SH3PXD2A: variants seen among roughly 807,000 people sequenced by gnomAD.
SH3PXD2A encodes SH3 and PX domain-containing protein 2A.
SH3PXD2A carries 32 observed loss-of-function variants against 115.2 expected under a neutral mutation model. That is an observed-to-expected ratio of 0.28 (90% CI 0.21 to 0.37). The LOEUF (loss-of-function observed/expected upper bound fraction) is 0.37. SH3PXD2A is among the 10% of genes least tolerant of loss of function. The pLI is 1.00. For missense variants in SH3PXD2A, 1,328 were observed against 1,498.7 expected (o/e 0.89, Z 1.88); for synonymous variants, 610 against 629.1 (o/e 0.97, Z 0.45).
rs2038641895 is a variant in SH3PXD2A at position 103,756,450 on chromosome 10, ACC to A, written c.229+10642_229+10643del. 6.6e-6 allele frequency among the ~76,000 whole-genome samples: 1 copy of A among 151,906 alleles called. No individual in the cohort carries two copies. Among genetic ancestry groups the A allele is most frequent in the Non-Finnish European group, 1.5e-5 (1 of 67,962 alleles). Reference sequence around the variant, plus strand: ...ATGCGCCTCAGTGTTCCCCTCCACCACCATCACCCGCTGCTGCCACTCCCGAG... The same window carrying A: ...ATGCGCCTCAGTGTTCCCCTCCACCAATCACCCGCTGCTGCCACTCCCGAG... On this transcript the variant is annotated intron_variant, in intron 3 of 14. Transcript: ENST00000369774. This position sits in a 1 kb window ranked among gnomAD's most constrained non-coding sequence, Gnocchi z 4.4.
intron 5 of SH3PXD2A, among the ~76,000 whole-genome samples, chr10:103,701,484 C>G (rs1197271093): frequency 6.9e-6 from 1 of 145,010 alleles, no homozygotes; most frequent in African/African-American, 2.6e-5. Context: ...CATCCATCAT[C>G]CATCCATCAT....
intron 5 of SH3PXD2A, among the ~76,000 whole-genome samples, chr10:103,720,990 T>G (rs904865537): frequency 6.6e-6 from 1 of 152,226 alleles, no homozygotes; most frequent in African/African-American, 2.4e-5. Flanking sequence ...GGCATTCCTA[T>G]TCCCAGGCCC....
chr10:103,722,559 C>T (rs2038194746), intron 5 of SH3PXD2A, among the ~76,000 whole-genome samples: 1 of 150,312 alleles, frequency 6.7e-6, no homozygotes. Flanking sequence ...GCCTTGGCTT[C>T]TCAAAGTGCT....
At chr10:103,650,247 C>G (rs998319263) in intron 8 of SH3PXD2A, among the ~76,000 whole-genome samples, 1 of 152,118 alleles carries the variant, frequency 6.6e-6, no homozygotes, top group African/African-American at 2.4e-5. Context: ...TGGCACCTGC[C>G]GCATCACTCC....
intron 2 of SH3PXD2A, among the ~76,000 whole-genome samples, chr10:103,767,810 G>GTT (rs34903223): frequency 4.9e-4 from 33 of 67,728 alleles, no homozygotes; most frequent in South Asian, 1.1e-3. Context: ...CAACTGTTTT[G>GTT]TTTTTTTTTT....
intron 2 of SH3PXD2A, among the ~76,000 whole-genome samples, chr10:103,783,868 C>T (rs921668373): frequency 3.9e-5 from 6 of 152,230 alleles, no homozygotes; most frequent in African/African-American, 7.2e-5. Context: ...TGTAAAGCAG[C>T]CCCCGCAGTG....
chr10:103,697,827 G>A (rs534663340), intron 5 of SH3PXD2A, among the ~76,000 whole-genome samples: 123 of 152,302 alleles, frequency 8.1e-4, no homozygotes, highest in Non-Finnish European at 1.3e-3. Flanking sequence ...GTGGGGGCAG[G>A]AAAGGCACTG....
At position 103,756,647 on chromosome 10, in the gene SH3PXD2A, A is replaced by C. The variant is rs2038644595; in HGVS notation, c.229+10447T>G. On this transcript the variant is annotated intron_variant, in intron 3 of 14. Coordinates refer to ENST00000369774, the MANE Select transcript of SH3PXD2A (RefSeq NM_001394015.1). The surrounding 1 kb of genome is among the most constrained non-coding windows in gnomAD (Gnocchi z 4.4). Reference sequence around the variant, plus strand: ...ACCCCCACGGATGCAGCCCACAGGCAGGAGTGGGGAGTGGTGGTGAGGTGA... The same window carrying C: ...ACCCCCACGGATGCAGCCCACAGGCCGGAGTGGGGAGTGGTGGTGAGGTGA... Among the ~76,000 whole-genome samples, 1 of 152,162 alleles carries C rather than the reference A, an allele frequency of 6.6e-6. No individual in the cohort carries two copies. Among genetic ancestry groups the C allele is most frequent in the South Asian group, 2.1e-4 (1 of 4,830 alleles).
rs1398081631 is a variant in SH3PXD2A, at chr10:103,661,081, T to C, written c.506A>G (p.Glu169Gly). 2.4e-5 allele frequency: 38 copies of C among 1,613,994 alleles called. No homozygotes were observed. In the East Asian group the frequency reaches 8.2e-4, roughly 35 times the overall value. ...ATAGTTGGACACCACCACGTACTGT[T>C]CCAGGATCATGGGCTCGGCGGTGGC... is the stretch of plus-strand genomic sequence containing the variant. ...ADATAEPMIL[E>G]QYVVVSNYKK... The change falls in exon 8 of 15, where the codon GAA becomes GGA. Residue 169 changes from glutamate to glycine, a missense_variant. Transcript: ENST00000369774.
chr10:103,749,489 G>A (rs535434378), intron 3 of SH3PXD2A, among the ~76,000 whole-genome samples: 6 of 152,312 alleles, frequency 3.9e-5, no homozygotes, highest in Non-Finnish European at 8.8e-5. Context: ...GTGCTTCCAG[G>A]CTACATCTGC....
chr10:103,821,584 A>C (rs1366073762), intron 1 of SH3PXD2A, among the ~76,000 whole-genome samples: 1 of 144,266 alleles, frequency 6.9e-6, no homozygotes, highest in South Asian at 2.2e-4. Context: ...GCAGGGTCTT[A>C]CTCTGTCACC....
intron 7 of SH3PXD2A, chr10:103,661,712 C>G (rs2037307163): frequency 1.0e-6 from 1 of 985,262 alleles, no homozygotes; most frequent in Non-Finnish European, 1.2e-6. Context: ...CTCCACGGCC[C>G]AGGCCCAGGC....
intron 1 of SH3PXD2A, 84 bp downstream of exon 1, chr10:103,855,111 A>G (rs1842928468): frequency 2.1e-6 from 2 of 960,090 alleles, no homozygotes; most frequent in Admixed American, 3.0e-5. Context: ...TCGCGACCTC[A>G]CAGCTGGGAG....
rs1183809525 is a variant in SH3PXD2A at position 103,756,169 on chromosome 10, G to A, written c.229+10925C>T. 3.3e-5 allele frequency among the ~76,000 whole-genome samples: 5 copies of A among 152,122 alleles called. No individual in the cohort carries two copies. The highest frequency in any genetic ancestry group is 2.1e-4 in the South Asian group (1 of 4,826). On this transcript the variant is annotated intron_variant, in intron 3 of 14. Transcript: ENST00000369774. The surrounding 1 kb of genome is among the most constrained non-coding windows in gnomAD (Gnocchi z 4.4). ...TGAAGGGGGAGGAGGTATTTTCAGCGCCCAGAACGATGGATCTGCTGGGTG... is the reference window on the plus strand; with the variant it reads ...TGAAGGGGGAGGAGGTATTTTCAGCACCCAGAACGATGGATCTGCTGGGTG...
At chr10:103,646,009 T>C (rs1331082079) in intron 8 of SH3PXD2A, among the ~76,000 whole-genome samples, 1 of 152,216 alleles carries the variant, frequency 6.6e-6, no homozygotes, top group Non-Finnish European at 1.5e-5. Context: ...ACCCATACTT[T>C]ACAGGGCAGT....
In SH3PXD2A at chr10:103,602,222, C is replaced by T. The variant is rs749805561; in HGVS notation, c.2996G>A (p.Arg999Lys). ...ATCAGTGGCCGTGAGTGACTCATTCCTCCGCAGGGCGCAGGACAGGTTGTT... is the reference window on the plus strand; with the variant it reads ...ATCAGTGGCCGTGAGTGACTCATTCTTCCGCAGGGCGCAGGACAGGTTGTT... ...KDNNLSCALR[R>K]NESLTATDGL... Residue 999 changes from arginine (R) to lysine (K), a missense_variant, in exon 15 of 15, where the codon AGG (arginine) becomes AAG (lysine). Around this residue, in one of 5 missense-constraint regions of SH3PXD2A, gnomAD observed 574 missense variants for 565.7 expected, o/e 1.01. Coordinates refer to ENST00000369774, the MANE Select transcript of SH3PXD2A (RefSeq NM_001394015.1). 14 of 1,597,044 alleles carry T rather than the reference C, an allele frequency of 8.8e-6. No individual in the cohort carries two copies. Among genetic ancestry groups the T allele is most frequent in the African/African-American group, 2.7e-5 (2 of 74,746 alleles).
chr10:103,661,197 C>G, intron 7 of SH3PXD2A, 83 bp from the exon 8 acceptor site: 1 of 1,501,144 alleles, frequency 6.7e-7, no homozygotes, highest in East Asian at 2.4e-5. Flanking sequence ...TCGGCCTCCT[C>G]GGGGGTGGCT....
chr10:103,744,404 C>T (rs1244719053), intron 3 of SH3PXD2A, among the ~76,000 whole-genome samples: 1 of 152,134 alleles, frequency 6.6e-6, no homozygotes, highest in Non-Finnish European at 1.5e-5. Flanking sequence ...CCGCCCGCCT[C>T]AGCCTCCCAA....
At chr10:103,622,609 G>T in intron 9 of SH3PXD2A, 56 bp from the exon 10 acceptor site, 1 of 1,141,242 alleles carries the variant, frequency 8.8e-7, no homozygotes, top group Non-Finnish European at 1.3e-6. Flanking sequence ...CGGAGAGAAT[G>T]GAGATGAGGA....
Sources: allele counts gnomAD v4.1 joint callset (sites outside exome capture counted in the v4.1 genomes callset), GRCh38; gene constraint gnomAD v4.1.1; regional missense constraint gnomAD v4.1.1; non-coding constraint Gnocchi (gnomAD v3.1); transcripts MANE v1.5; gene names NCBI Gene and HGNC (gene_info 2026-07-23, HGNC 2026-07-21).